Variants in VPS4B observed in about 807,000 individuals in gnomAD.
VPS4B encodes vacuolar protein sorting 4 homolog B.
Under a neutral mutation model 56.1 loss-of-function variants are expected in VPS4B, and 23 were observed. The observed-to-expected ratio is 0.41, with a 90% CI of 0.30 to 0.58. The LOEUF (loss-of-function observed/expected upper bound fraction) is 0.58. VPS4B is among the 20% of genes least tolerant of loss of function. The probability of loss-of-function intolerance (pLI) is 0.29; values close to 1 mark genes in which losing one functional copy is unlikely to be tolerated. For missense variants in VPS4B, 372 were observed against 531.9 expected, an observed-to-expected ratio of 0.70 and a Z score of 2.96; for synonymous variants, 177 against 186.0, an observed-to-expected ratio of 0.95 and a Z score of 0.39.
At chr18:63,403,307 T>G (rs1915852160) in intron 5 of VPS4B, among the ~76,000 whole-genome samples, 1 of 152,256 alleles carries the variant, frequency 6.6e-6, no homozygotes, top group African/African-American at 2.4e-5. Context: ...CTATACTTAC[T>G]TCTCAGCATA....
intron 4 of VPS4B, among the ~76,000 whole-genome samples, chr18:63,405,078 G>A (rs1915887476): frequency 6.6e-6 from 1 of 151,994 alleles, no homozygotes; most frequent in African/African-American, 2.4e-5. Context: ...TTAAAAATGT[G>A]TCATGATTTG....
At chr18:63,405,906 A>AACCC (rs1189788759) in intron 4 of VPS4B, among the ~76,000 whole-genome samples, 2 of 152,098 alleles carry the variant, frequency 1.3e-5, no homozygotes, top group Non-Finnish European at 2.9e-5. Flanking sequence ...GAATCCCTGG[A>AACCC]ACCCAGGAGT....
chr18:63,412,142 A>G (rs1463070234), intron 1 of VPS4B, among the ~76,000 whole-genome samples: 1 of 152,212 alleles, frequency 6.6e-6, no homozygotes, highest in East Asian at 1.9e-4. Flanking sequence ...TTAAATAACA[A>G]AAACAAAACC....
intron 8 of VPS4B, 118 bp from the exon 9 acceptor site, chr18:63,397,371 G>T (rs1003058646): frequency 1.1e-5 from 10 of 911,880 alleles, no homozygotes; most frequent in African/African-American, 3.4e-5. Context: ...ATATATTTAG[G>T]TTAAAGGGAT....
intron 10 of VPS4B, among the ~76,000 whole-genome samples, chr18:63,393,063 A>G (rs1018745405): frequency 6.6e-6 from 1 of 152,000 alleles, no homozygotes; most frequent in South Asian, 2.1e-4. Context: ...GATGCAGGGG[A>G]AAAAAAATAT....
chr18:63,408,099 A>G (rs1425725504), intron 3 of VPS4B, among the ~76,000 whole-genome samples: 1 of 152,206 alleles, frequency 6.6e-6, no homozygotes, highest in Non-Finnish European at 1.5e-5. Context: ...CCATAAGGAT[A>G]ATCACACCCA....
intron 10 of VPS4B, among the ~76,000 whole-genome samples, chr18:63,392,426 A>G (rs2144408693): frequency 6.6e-6 from 1 of 152,300 alleles, no homozygotes; most frequent in South Asian, 2.1e-4. Flanking sequence ...TGATACAAGC[A>G]TTAGTATTTC....
At chr18:63,392,382 T>C (rs1468217953) in intron 10 of VPS4B, among the ~76,000 whole-genome samples, 2 of 152,216 alleles carry the variant, frequency 1.3e-5, no homozygotes, top group African/African-American at 4.8e-5. Context: ...CTATGGAGCT[T>C]TGAGAAGTGA....
At chr18:63,409,752 A>G (rs1339249617) in intron 3 of VPS4B, among the ~76,000 whole-genome samples, 3 of 152,222 alleles carry the variant, frequency 2.0e-5, no homozygotes. Context: ...TCTAACACAA[A>G]TTCACATCAA....
intron 1 of VPS4B, 34 bp from the exon 2 acceptor site, chr18:63,411,612 T>A (rs1223320956): frequency 7.0e-7 from 1 of 1,436,234 alleles, no homozygotes; most frequent in Admixed American, 2.3e-5. Context: ...AACATTTAAA[T>A]CAAAGCATAA....
At chr18:63,403,673 C>G (rs1915858752) in intron 5 of VPS4B, 34 bp downstream of exon 5, 1 of 1,573,256 alleles carries the variant, frequency 6.4e-7, no homozygotes, top group East Asian at 2.3e-5. Context: ...CTTTTACAAA[C>G]TCATGAAATA....
At chr18:63,401,558 T>G (rs1915809876) in intron 5 of VPS4B, among the ~76,000 whole-genome samples, 1 of 152,208 alleles carries the variant, frequency 6.6e-6, no homozygotes, top group African/African-American at 2.4e-5. Context: ...AAGGTGATAC[T>G]ACTTTAAATC....
chr18:63,410,180 GC>G, intron 3 of VPS4B, 109 bp downstream of exon 3: 1 of 1,397,896 alleles, frequency 7.2e-7, no homozygotes, highest in South Asian at 1.4e-5. Context: ...AGGCAGCTGG[GC>G]AGCTTTGGCC....
chr18:63,410,241 A>T lies in VPS4B; in HGVS notation c.296+49T>A, dbSNP rs759250120. On this transcript the variant is annotated intron_variant, in intron 3 of 10. Transcript: ENST00000238497. ...TGTTTTAATCAAAAGAAATTTCACA[A>T]ATCGAAAGCAAAAAGCCACAATAAA... is the stretch of plus-strand genomic sequence containing the variant. 3.1e-6 allele frequency: 5 copies of T among 1,598,454 alleles called. No individual in the cohort carries two copies. In the African/African-American group the frequency reaches 6.8e-5, roughly 22 times the overall value.
At chr18:63,409,945 G>T (rs1351385288) in intron 3 of VPS4B, among the ~76,000 whole-genome samples, 1 of 152,168 alleles carries the variant, frequency 6.6e-6, no homozygotes, top group African/African-American at 2.4e-5. Flanking sequence ...CTAGCAGGCA[G>T]TCAGGAAGGG....
intron 8 of VPS4B, among the ~76,000 whole-genome samples, chr18:63,398,168 T>C (rs1230420779): frequency 6.7e-6 from 1 of 149,304 alleles, no homozygotes; most frequent in Non-Finnish European, 1.5e-5. Context: ...TATACATATA[T>C]ACATATACAC....
Position 63,398,283 on chromosome 18 carries a change from T to C in VPS4B, c.872+959A>G, listed in dbSNP as rs1915724199. Reference sequence around the variant, plus strand: ...AAGCTGGAGTGCAGTGGCACAATCTTGGCTCACTGCAACCTCCGCCTCCTG... The same window carrying C: ...AAGCTGGAGTGCAGTGGCACAATCTCGGCTCACTGCAACCTCCGCCTCCTG... On this transcript the variant is annotated intron_variant, in intron 8 of 10. Coordinates refer to ENST00000238497, the MANE Select transcript of VPS4B (RefSeq NM_004869.4). Among the ~76,000 whole-genome samples the C allele has an allele frequency of 2.6e-5, 4 of 151,630 alleles. No individual in the cohort carries two copies. In the South Asian group the frequency reaches 8.3e-4, roughly 31 times the overall value.
At position 63,422,294 on chromosome 18, in the gene VPS4B, G is replaced by T; in HGVS notation, c.-35C>A. On this transcript the variant is annotated 5_prime_UTR_variant, in exon 1 of 11. Transcript: ENST00000238497. ...CCCAGGCGGTTCCCAAGGGAACGAG[G>T]GGCGAGGAGAGCCAACAGCAGCAAC... 1 of 1,484,382 alleles carries T rather than the reference G, an allele frequency of 6.7e-7. No individual in the cohort carries two copies. The highest frequency in any genetic ancestry group is 1.3e-5 in the South Asian group (1 of 75,176). The allele number at this position is 1,484,382 out of a possible 1,614,324, so 92.0% of individuals were successfully genotyped here.
rs771848778 is a variant in VPS4B, at chr18:63,400,643, T to C, written c.545A>G (p.Tyr182Cys). Residue 182 changes from tyrosine to cysteine, a missense_variant, in exon 6 of 11, where the codon TAC becomes TGC. By Grantham distance (194) the Tyr-to-Cys change is radical. Transcript: ENST00000238497. ...LFGPPGTGKS[Y>C]LAKAVATEAN... ...TTCTGTTGCTACAGCTTTGGCTAAG[T>C]AGGACTTTCCTGTTCCAGGCGGCCC... 3 of 1,610,738 alleles carry C rather than the reference T, an allele frequency of 1.9e-6. No homozygotes were observed. The highest frequency in any genetic ancestry group is 1.3e-5 in the African/African-American group (1 of 74,630).
Sources: allele counts gnomAD v4.1 joint callset (sites outside exome capture counted in the v4.1 genomes callset), GRCh38; gene constraint gnomAD v4.1.1; transcripts MANE v1.5; gene names NCBI Gene and HGNC (gene_info 2026-07-23, HGNC 2026-07-21).